Variants in GIGYF2 observed in about 807,000 individuals in gnomAD.
GIGYF2 encodes the protein GRB10-interacting GYF protein 2.
A neutral mutation model predicts 208.1 loss-of-function variants in GIGYF2; 25 were observed. The observed-to-expected ratio is 0.12, with a 90% CI of 0.09 to 0.17. The LOEUF (loss-of-function observed/expected upper bound fraction) is 0.17. GIGYF2 is among the 10% of genes least tolerant of loss of function. The pLI, the probability that GIGYF2 is intolerant of heterozygous loss-of-function variation, is 1.00. For synonymous variants in GIGYF2, 534 were observed against 543.8 expected, an observed-to-expected ratio of 0.98 and a Z score of 0.25; for missense variants, 1,302 against 1,579.4, an observed-to-expected ratio of 0.82 and a Z score of 2.98.
intron 20 of GIGYF2, among the ~76,000 whole-genome samples, chr2:232,818,484 T>A (rs983846680): frequency 1.3e-5 from 2 of 152,218 alleles, no homozygotes; most frequent in Admixed American, 1.3e-4. Flanking sequence ...ACTTCATTCT[T>A]CTGCCTATAG....
At chr2:232,772,773 T>G (rs1424377296) in intron 8 of GIGYF2, among the ~76,000 whole-genome samples, 2 of 152,198 alleles carry the variant, frequency 1.3e-5, no homozygotes. Flanking sequence ...TAGATACCCT[T>G]GAGAGTGCTG....
chr2:232,766,242 A>G (rs940464980), intron 8 of GIGYF2, among the ~76,000 whole-genome samples: 2 of 152,212 alleles, frequency 1.3e-5, no homozygotes, highest in Admixed American at 1.3e-4. Flanking sequence ...ACAGTAGTTT[A>G]CCAATAGTTT....
At chr2:232,801,855 G>A (rs1700409083) in intron 14 of GIGYF2, among the ~76,000 whole-genome samples, 1 of 152,166 alleles carries the variant, frequency 6.6e-6, no homozygotes, top group African/African-American at 2.4e-5. Context: ...TAATCTGTAG[G>A]TTGCTTTCGG....
chr2:232,703,856 C>T (rs1695965308), intron 2 of GIGYF2, among the ~76,000 whole-genome samples: 1 of 152,132 alleles, frequency 6.6e-6, no homozygotes, highest in Non-Finnish European at 1.5e-5. Context: ...ACTTTTTTAC[C>T]AGCTGGCCAG....
intron 28 of GIGYF2, among the ~76,000 whole-genome samples, chr2:232,855,146 A>G (rs1690513286): frequency 8.0e-6 from 1 of 124,292 alleles, no homozygotes; most frequent in East Asian, 2.4e-4. Context: ...GAGTGCAGTG[A>G]TGTTATCTCA....
At chr2:232,769,758 T>C (rs1402178331) in intron 8 of GIGYF2, among the ~76,000 whole-genome samples, 2 of 152,150 alleles carry the variant, frequency 1.3e-5, no homozygotes, top group Non-Finnish European at 2.9e-5. Flanking sequence ...ACCAGAATTA[T>C]GTTTTAAGTG....
chr2:232,797,611 C>T (rs934633158), intron 14 of GIGYF2, among the ~76,000 whole-genome samples: 6 of 151,626 alleles, frequency 4.0e-5, no homozygotes, highest in Admixed American at 2.6e-4. Flanking sequence ...ACCCTTTATA[C>T]AGCTTCCCCT....
chr2:232,833,565 G>A (rs1350635580), intron 22 of GIGYF2, among the ~76,000 whole-genome samples: 1 of 152,206 alleles, frequency 6.6e-6, no homozygotes, highest in Non-Finnish European at 1.5e-5. Flanking sequence ...TGAGAGAGGA[G>A]TAAACAAGAG....
intron 21 of GIGYF2, among the ~76,000 whole-genome samples, chr2:232,823,861 T>C (rs1392210453): frequency 2.0e-5 from 3 of 152,258 alleles, no homozygotes; most frequent in African/African-American, 7.2e-5. Flanking sequence ...ATTGAAGGGC[T>C]TGTGGCAGCC....
At chr2:232,768,531 G>A in intron 8 of GIGYF2, 1 of 1,614,106 alleles carries the variant, frequency 6.2e-7, no homozygotes, top group East Asian at 2.2e-5. Context: ...ACTTGATGGT[G>A]TAATGGAGTG....
In GIGYF2 at chr2:232,748,991, C is replaced by T; in HGVS notation, c.176C>T (p.Pro59Leu). The T allele has an allele frequency of 6.5e-7, 1 of 1,528,538 alleles. No individual in the cohort carries two copies. Among genetic ancestry groups the T allele is most frequent in the Non-Finnish European group, 9.1e-7 (1 of 1,102,052 alleles). The allele number at this position is 1,528,538 out of a possible 1,614,324, so 94.7% of individuals were successfully genotyped here. ...ATCATGTGTTTGGTCCTACAGATAC[C>T]TTCAGACCTTCTGGATAAAGAATTT... ...LALFLKDNKIPSDLLDKEFLP... is the reference protein window; with the variant it reads ...LALFLKDNKILSDLLDKEFLP... The change falls in exon 5 of 29, where the codon CCT becomes CTT. Residue 59 changes from proline (P) to leucine (L), a missense_variant. Transcript: ENST00000373563.
chr2:232,833,374 C>T (rs898149085), intron 22 of GIGYF2, among the ~76,000 whole-genome samples: 1 of 152,096 alleles, frequency 6.6e-6, no homozygotes, highest in Non-Finnish European at 1.5e-5. Context: ...GCATGCCCCA[C>T]CACACCCAGC....
chr2:232,819,811 C>A lies in GIGYF2; in HGVS notation c.2371-16C>A. 4.1e-6 allele frequency: 2 copies of A among 489,324 alleles called. No individual in the cohort carries two copies. The highest frequency in any genetic ancestry group is 3.5e-6 in the Non-Finnish European group (1 of 286,132). 30.3% of individuals were successfully genotyped at this position (489,324 alleles called of 1,614,324 possible). On this transcript the variant is annotated splice_polypyrimidine_tract_variant and intron_variant, in intron 20 of 28. Coordinates refer to ENST00000373563, the MANE Select transcript of GIGYF2 (RefSeq NM_001103146.3). The stretch of plus-strand genomic sequence containing the variant: ...AGTCCCTCCCCCACCCCCCACCCTC[C>A]ATCTTTTTTCCTTAGGAAGAGGCTC...
At chr2:232,829,410 A>T (rs531687751) in intron 21 of GIGYF2, among the ~76,000 whole-genome samples, 5 of 152,322 alleles carry the variant, frequency 3.3e-5, no homozygotes, top group Admixed American at 3.3e-4. Flanking sequence ...AAATTGTATA[A>T]GGAACATTCT....
intron 8 of GIGYF2, among the ~76,000 whole-genome samples, chr2:232,786,324 G>A (rs1221078205): frequency 1.3e-5 from 2 of 152,002 alleles, no homozygotes; most frequent in African/African-American, 4.8e-5. Flanking sequence ...CGCGACCTCC[G>A]CCTCCTGGGT....
At chr2:232,784,386 CTTTTTTTTTT>C (rs10645449) in intron 8 of GIGYF2, among the ~76,000 whole-genome samples, 3 of 92,312 alleles carry the variant, frequency 3.2e-5, no homozygotes, top group South Asian at 3.8e-4. Flanking sequence ...GAAATAATTT[CTTTTTTTTTT>C]TTTTTTTTTT....
intron 2 of GIGYF2, chr2:232,729,511 C>T: frequency 7.9e-7 from 1 of 1,259,606 alleles, no homozygotes; most frequent in East Asian, 2.5e-5. Flanking sequence ...ATGCCATGAC[C>T]CAGGATGGAT....
chr2:232,787,081 G>A, intron 8 of GIGYF2, 69 bp from the exon 9 acceptor site: 2 of 1,122,104 alleles, frequency 1.8e-6, no homozygotes, highest in East Asian at 2.3e-5. Context: ...GATTTGAGCT[G>A]TGAAGTTTGT....
chr2:232,758,707 G>A (rs1176207433), intron 6 of GIGYF2, among the ~76,000 whole-genome samples: 1 of 152,056 alleles, frequency 6.6e-6, no homozygotes. Context: ...TGTCTTTCTG[G>A]TAAGCTGGAG....
Sources: allele counts gnomAD v4.1 joint callset (sites outside exome capture counted in the v4.1 genomes callset), GRCh38; gene constraint gnomAD v4.1.1; transcripts MANE v1.5; gene names NCBI Gene and HGNC (gene_info 2026-07-23, HGNC 2026-07-21).